The following AATK variants were observed in gnomAD, a reference collection of about 807,000 sequenced individuals.
AATK encodes the protein serine/threonine-protein kinase LMTK1.
A neutral mutation model predicts 114.3 loss-of-function variants in AATK; 91 were observed. The observed-to-expected ratio is 0.80, with a 90% CI of 0.67 to 0.95. The LOEUF (loss-of-function observed/expected upper bound fraction) is 0.95. Ranked by LOEUF, AATK falls within the 40% of genes least tolerant of loss-of-function variation. AATK has a pLI of 0.00. For missense variants in AATK, 2,176 were observed against 1,965.2 expected, an observed-to-expected ratio of 1.11 and a Z score of -2.03; for synonymous variants, 1,075 against 916.5, an observed-to-expected ratio of 1.17 and a Z score of -3.12.
intron 4 of AATK, 36 bp downstream of exon 4, chr17:81,128,434 C>T (rs1283826754): frequency 1.9e-6 from 3 of 1,547,648 alleles, no homozygotes; most frequent in Admixed American, 3.9e-5. Flanking sequence ...TTCTGCCTCC[C>T]AGGCGGGAGT....
intron 1 of AATK, among the ~76,000 whole-genome samples, chr17:81,137,920 G>GCACA (rs55747739): frequency 0.8 from 120,031 of 150,556 alleles, 48,230 homozygotes; most frequent in East Asian, 0.98. Flanking sequence ...GGGCACACGT[G>GCACA]CACACAGCCA....
chr17:81,120,561 T>C lies in AATK; in HGVS notation c.3375A>G (p.Ser1125=). ...CCATCCGCTTTTGTGGGGCCGGCCC[T>C]GACAACAGTCCTGGGGGCCCCTGGA... is the stretch of plus-strand genomic sequence containing the variant. ...SEFQGPPGLL[S]GPAPQKRMGG... The change falls in exon 11 of 14, where the codon TCA becomes TCG. Residue 1125 remains serine (S), a synonymous_variant. Transcript: ENST00000326724. 1 of 1,514,122 alleles carries C rather than the reference T, an allele frequency of 6.6e-7. No individual in the cohort carries two copies. Among genetic ancestry groups the C allele is most frequent in the Non-Finnish European group, 8.8e-7 (1 of 1,131,656 alleles). The allele number at this position is 1,514,122 out of a possible 1,614,324, so 93.8% of individuals were successfully genotyped here.
At chr17:81,127,503 G>C (rs563443062) in intron 6 of AATK, 80 bp downstream of exon 6, 1 of 1,384,678 alleles carries the variant, frequency 7.2e-7, no homozygotes, top group Non-Finnish European at 1.0e-6. Flanking sequence ...CCCAAGGAGG[G>C]GGTGGCACCA....
Position 81,117,986 on chromosome 17 carries a change from C to G in AATK, c.*416G>C. Reference sequence around the variant, plus strand: ...CTGCCAGTGTCTCGGGGCCATGCCTCGTCCTGGTTTAAGTGTCCTGTGAGC... The same window carrying G: ...CTGCCAGTGTCTCGGGGCCATGCCTGGTCCTGGTTTAAGTGTCCTGTGAGC... On this transcript the variant is annotated 3_prime_UTR_variant, in exon 14 of 14. Transcript: ENST00000326724. The G allele has an allele frequency of 6.0e-6, 1 of 166,702 alleles. No homozygotes were observed. The highest frequency in any genetic ancestry group is 1.3e-5 in the Non-Finnish European group (1 of 77,624). The allele number at this position is 166,702 out of a possible 1,614,324, so 10.3% of individuals were successfully genotyped here.
At position 81,121,514 on chromosome 17, in the gene AATK, G is replaced by T; in HGVS notation, c.2422C>A (p.Pro808Thr). Residue 808 changes from proline to threonine, a missense_variant, in exon 11 of 14, where the codon CCA becomes ACA. Pro to Thr is a conservative substitution (Grantham distance 38). Around this residue, in one of 4 missense-constraint regions of AATK, gnomAD observed 1,701 missense variants for 1,394.7 expected, o/e 1.22. Transcript: ENST00000326724. ...SVPSPSQEGA[P>T]LPSEEASAPD... is the part of the protein sequence containing the mutation. Reference sequence around the variant, plus strand: ...GCACTGGCCTCCTCCGAGGGAAGTGGGGCTCCCTCCTGGGATGGGGAGGGG... The same window carrying T: ...GCACTGGCCTCCTCCGAGGGAAGTGTGGCTCCCTCCTGGGATGGGGAGGGG... 1 of 1,548,402 alleles carries T rather than the reference G, an allele frequency of 6.5e-7. No individual in the cohort carries two copies.
intron 2 of AATK, chr17:81,132,636 G>A: frequency 7.0e-6 from 2 of 286,502 alleles, no homozygotes; most frequent in Non-Finnish European, 1.5e-5. Flanking sequence ...CTGGGGTCGG[G>A]CCCGGGCTCC....
chr17:81,149,045 G>A (rs1028866652), intron 1 of AATK, among the ~76,000 whole-genome samples: 2 of 152,196 alleles, frequency 1.3e-5, no homozygotes, highest in African/African-American at 4.8e-5. Context: ...GGAGCACCCT[G>A]GCCGAGCTCT....
In AATK at chr17:81,122,365, G is replaced by T. The variant is rs1255374717; in HGVS notation, c.1571C>A (p.Pro524Gln). 6.6e-7 allele frequency: 1 copy of T among 1,507,268 alleles called. No homozygotes were observed. The highest frequency in any genetic ancestry group is 8.8e-7 in the Non-Finnish European group (1 of 1,132,106). The allele number at this position is 1,507,268 out of a possible 1,614,324, so 93.4% of individuals were successfully genotyped here. The part of the protein sequence containing the change: ...GVVPVLSAHS[P>Q]SLGSEYFIRL... ...GATGAAGTACTCGCTGCCCAGCGACGGGCTGTGCGCGCTGAGCACCGGAAC... is the reference window on the plus strand; with the variant it reads ...GATGAAGTACTCGCTGCCCAGCGACTGGCTGTGCGCGCTGAGCACCGGAAC... The change falls in exon 11 of 14, where the codon CCG becomes CAG. Residue 524 changes from proline (P) to glutamine (Q), a missense_variant. Physicochemically the swap from Pro to Gln is moderately conservative, Grantham distance 76 (BLOSUM62 -1). Around this residue, in one of 4 missense-constraint regions of AATK, gnomAD observed 1,701 missense variants for 1,394.7 expected, o/e 1.22. Coordinates refer to ENST00000326724, the MANE Select transcript of AATK (RefSeq NM_001080395.3).
chr17:81,161,249 G>A (rs529190149), intron 1 of AATK, among the ~76,000 whole-genome samples: 2 of 152,274 alleles, frequency 1.3e-5, no homozygotes, highest in Non-Finnish European at 2.9e-5. Context: ...TCGAGGCGCT[G>A]GCGGGATCCT....
chr17:81,123,383 T>A, intron 9 of AATK, 40 bp from the exon 10 acceptor site: 1 of 1,329,804 alleles, frequency 7.5e-7, no homozygotes, highest in Non-Finnish European at 9.6e-7. Context: ...GGGCACAGCC[T>A]GCCACAGCAA....
chr17:81,132,736 G>A (rs1171644457), intron 2 of AATK: 1 of 271,150 alleles, frequency 3.7e-6, no homozygotes, highest in Admixed American at 4.5e-5. Flanking sequence ...GGCCTGCCCA[G>A]CCCCTTCCCT....
At position 81,131,113 on chromosome 17, in the gene AATK, G is replaced by T; in HGVS notation, c.282C>A (p.Val94=). Residue 94 remains valine, a synonymous_variant, in exon 3 of 14, where the codon GTC becomes GTA. Transcript: ENST00000326724. ...TAAQNGPDVY[V]LPLTEVSLPM... ...GCAAGGAGACCTCCGTGAGTGGCAG[G>T]ACGTACACGTCGGGCCCGTTCTGTG... 1 of 1,560,852 alleles carries T rather than the reference G, an allele frequency of 6.4e-7. No individual in the cohort carries two copies.
At position 81,119,673 on chromosome 17, in the gene AATK, ATCATGTCACGGGCCCAGGCCCCG is replaced by A. The variant is rs2060666820; in HGVS notation, c.3884-116_3884-94del. ...GTCACGGGCCCAGGCCCCGCCTCCC[ATCATGTCACGGGCCCAGGCCCCG>A]CCTCCCATGATGTCACGGGCCCAGG... On this transcript the variant is annotated intron_variant, in intron 12 of 13. Transcript: ENST00000326724. The A allele has an allele frequency of 1.8e-5, 11 of 596,264 alleles. No individual in the cohort carries two copies. The East Asian group carries it at 7.4e-4, about 40-fold the overall frequency. The allele number at this position is 596,264 out of a possible 1,614,324, so 36.9% of individuals were successfully genotyped here.
At chr17:81,133,302 G>A (rs369040032) in intron 2 of AATK, 17 of 446,282 alleles carry the variant, frequency 3.8e-5, no homozygotes, top group South Asian at 2.1e-4. Context: ...CCAGGCCAGC[G>A]GGACAGGTGG....
chr17:81,126,691 G>C lies in AATK; in HGVS notation c.622-131C>G. 6.9e-7 allele frequency: 1 copy of C among 1,444,398 alleles called. No homozygotes were observed. The allele number at this position is 1,444,398 out of a possible 1,614,324, so 89.5% of individuals were successfully genotyped here. On this transcript the variant is annotated intron_variant, in intron 6 of 13. Transcript: ENST00000326724. This position sits in a 1 kb window ranked among gnomAD's most constrained non-coding sequence, Gnocchi z 5.1. ...GACAGCAGCTGCCCAGAGCAGCCTC[G>C]TGCCCTGCACAGTGGCCAGCACCCA... is the stretch of plus-strand genomic sequence containing the variant.
chr17:81,142,258 CTTT>C (rs897410344), intron 1 of AATK, among the ~76,000 whole-genome samples: 15 of 149,704 alleles, frequency 1.0e-4, no homozygotes, highest in Admixed American at 2.7e-4. Flanking sequence ...CAGGCCCGCT[CTTT>C]TTTTTCTTTT....
chr17:81,119,980 G>T lies in AATK; in HGVS notation c.3839C>A (p.Pro1280Gln). The change falls in exon 12 of 14, where the codon CCG (proline) becomes CAG (glutamine). Residue 1280 changes from proline (P) to glutamine (Q), a missense_variant. By Grantham distance (76) the Pro-to-Gln change is moderately conservative. Around this residue, in one of 4 missense-constraint regions of AATK, gnomAD observed 1,701 missense variants for 1,394.7 expected, o/e 1.22. Transcript: ENST00000326724. ...SPGSPSAPNRPQQADGSPNGS... is the reference protein window; with the variant it reads ...SPGSPSAPNRQQQADGSPNGS... ...ATTTGGGGAGCCATCAGCCTGCTGCGGCCGGTTGGGGGCGCTGGGAGAGCC... is the reference window on the plus strand; with the variant it reads ...ATTTGGGGAGCCATCAGCCTGCTGCTGCCGGTTGGGGGCGCTGGGAGAGCC... The T allele has an allele frequency of 6.9e-7, 1 of 1,448,196 alleles. No homozygotes were observed. The highest frequency in any genetic ancestry group is 1.5e-5 in the African/African-American group (1 of 67,914). 89.7% of individuals were successfully genotyped at this position (1,448,196 alleles called of 1,614,324 possible). A position where few individuals can be genotyped will look rare whatever the true frequency, so the allele number is the denominator to read the frequency against.
intron 1 of AATK, among the ~76,000 whole-genome samples, chr17:81,156,761 C>T (rs2061372011): frequency 6.6e-6 from 1 of 152,114 alleles, no homozygotes; most frequent in African/African-American, 2.4e-5. Flanking sequence ...GAATTTTGAC[C>T]TTTTGGGATT....
At chr17:81,148,187 T>TACA (rs1021614592) in intron 1 of AATK, among the ~76,000 whole-genome samples, 2 of 152,114 alleles carry the variant, frequency 1.3e-5, no homozygotes, top group Admixed American at 1.3e-4. Flanking sequence ...GCACGTTTTC[T>TACA]ACAACAAGCA....
Sources: allele counts gnomAD v4.1 joint callset (sites outside exome capture counted in the v4.1 genomes callset), GRCh38; gene constraint gnomAD v4.1.1; regional missense constraint gnomAD v4.1.1; non-coding constraint Gnocchi (gnomAD v3.1); transcripts MANE v1.5; gene names NCBI Gene and HGNC (gene_info 2026-07-23, HGNC 2026-07-21).